DISP1: variants seen among roughly 807,000 people sequenced by gnomAD.
DISP1 encodes protein dispatched homolog 1.
DISP1 carries 30 observed loss-of-function variants against 37.3 expected under a neutral mutation model. That is an observed-to-expected ratio of 0.80 (90% CI 0.60 to 1.09). The LOEUF (loss-of-function observed/expected upper bound fraction) is 1.09. DISP1 is among the 50% of genes least tolerant of loss of function. The probability of loss-of-function intolerance (pLI) is 0.00; values close to 1 mark genes in which losing one functional copy is unlikely to be tolerated. For synonymous variants in DISP1, 634 were observed against 690.2 expected (o/e 0.92, Z 1.28); for missense variants, 1,598 against 1,879.5 (o/e 0.85, Z 2.77).
intron 3 of DISP1, among the ~76,000 whole-genome samples, chr1:222,968,874 A>G (rs1352909170): frequency 6.6e-6 from 1 of 152,134 alleles, no homozygotes; most frequent in Non-Finnish European, 1.5e-5. Flanking sequence ...CAGAGATTGC[A>G]GTGAGCTGAG....
chr1:222,878,405 G>T (rs1670090035), intron 1 of DISP1, among the ~76,000 whole-genome samples: 2 of 152,078 alleles, frequency 1.3e-5, no homozygotes, highest in African/African-American at 4.8e-5. Context: ...AGCCTAAAAT[G>T]GTAAATGAAA....
intron 1 of DISP1, among the ~76,000 whole-genome samples, chr1:222,874,704 A>C (rs998572152): frequency 6.6e-6 from 1 of 151,796 alleles, no homozygotes; most frequent in African/African-American, 2.4e-5. Flanking sequence ...ATTGGTTCGA[A>C]CTTCCTCCTT....
chr1:222,911,049 G>GT (rs1236302326), intron 1 of DISP1, among the ~76,000 whole-genome samples: 1 of 152,144 alleles, frequency 6.6e-6, no homozygotes, highest in African/African-American at 2.4e-5. Flanking sequence ...AGCAACATAT[G>GT]TATCTTTAAG....
chr1:222,900,556 AG>A (rs1453777955), intron 1 of DISP1, among the ~76,000 whole-genome samples: 1 of 152,202 alleles, frequency 6.6e-6, no homozygotes, highest in Non-Finnish European at 1.5e-5. Flanking sequence ...GATATGGAAA[AG>A]TAATGATCCT....
intron 1 of DISP1, among the ~76,000 whole-genome samples, chr1:222,848,319 C>A (rs988669285): frequency 6.6e-6 from 1 of 151,822 alleles, no homozygotes; most frequent in South Asian, 2.1e-4. Context: ...TGGTGCCAGT[C>A]GTGTAGTATA....
intron 4 of DISP1, among the ~76,000 whole-genome samples, chr1:222,984,089 T>A (rs965375226): frequency 3.3e-5 from 5 of 151,732 alleles, no homozygotes; most frequent in East Asian, 1.9e-4. Flanking sequence ...TAAAAAAAAA[T>A]ATATTTTTAA....
intron 3 of DISP1, among the ~76,000 whole-genome samples, chr1:222,978,947 G>T (rs1027442685): frequency 8.5e-5 from 13 of 152,086 alleles, no homozygotes; most frequent in Non-Finnish European, 1.2e-4. Context: ...TTTGAAGTCC[G>T]GTAGCATGAT....
At chr1:222,962,681 AG>A (rs879180845) in intron 3 of DISP1, among the ~76,000 whole-genome samples, 2 of 152,254 alleles carry the variant, frequency 1.3e-5, no homozygotes, top group Admixed American at 1.3e-4. Context: ...CAATGGGAAA[AG>A]GATCTCCTAT....
At chr1:222,915,001 A>G (rs1440489902) in intron 1 of DISP1, among the ~76,000 whole-genome samples, 2 of 152,044 alleles carry the variant, frequency 1.3e-5, no homozygotes, top group African/African-American at 4.8e-5. Context: ...AAGGAAAGGG[A>G]AAAAAAGATC....
At chr1:222,919,039 T>C (rs1000632732) in intron 1 of DISP1, among the ~76,000 whole-genome samples, 1 of 152,240 alleles carries the variant, frequency 6.6e-6, no homozygotes, top group African/African-American at 2.4e-5. Context: ...GAGGGAGCCA[T>C]GGATCCCAAC....
At chr1:222,881,260 A>T (rs1670255667) in intron 1 of DISP1, among the ~76,000 whole-genome samples, 2 of 152,100 alleles carry the variant, frequency 1.3e-5, no homozygotes, top group Admixed American at 6.5e-5. Flanking sequence ...CAATGGCGCC[A>T]TCTCGGCTCA....
intron 2 of DISP1, among the ~76,000 whole-genome samples, chr1:222,934,522 C>T (rs147735143): frequency 1.2e-4 from 19 of 152,106 alleles, no homozygotes; most frequent in African/African-American, 3.6e-4. Flanking sequence ...AGCAGGCCAA[C>T]GAGGTACCAG....
chr1:222,885,879 C>T (rs1031352185), intron 1 of DISP1, among the ~76,000 whole-genome samples: 3 of 151,750 alleles, frequency 2.0e-5, no homozygotes, highest in African/African-American at 7.3e-5. Flanking sequence ...TACACACACA[C>T]ACACACAGAC....
chr1:222,965,123 G>A lies in DISP1; in HGVS notation c.510-17957G>A, dbSNP rs572820664. 7.9e-5 allele frequency among the ~76,000 whole-genome samples: 12 copies of A among 151,990 alleles called. No individual in the cohort carries two copies. The South Asian group carries it at 1.2e-3, about 16-fold the overall frequency. On this transcript the variant is annotated intron_variant, in intron 3 of 8. Transcript: ENST00000675850. ...CTTTATGAAAACAATAGAAAATTTC[G>A]CTGCAGTATAGCCTAGTGGTTAAGA...
chr1:222,937,400 C>G (rs1304368550), intron 2 of DISP1, among the ~76,000 whole-genome samples: 1 of 151,942 alleles, frequency 6.6e-6, no homozygotes, highest in Admixed American at 6.6e-5. Context: ...CCTCTCTATA[C>G]TTCAATATAT....
At chr1:222,874,072 T>A (rs1294200565) in intron 1 of DISP1, among the ~76,000 whole-genome samples, 2 of 152,226 alleles carry the variant, frequency 1.3e-5, no homozygotes, top group Non-Finnish European at 2.9e-5. Flanking sequence ...GGTTGAAAAT[T>A]CTTTTCTTTA....
At chr1:222,906,422 A>G (rs1414583999) in intron 1 of DISP1, among the ~76,000 whole-genome samples, 10 of 152,222 alleles carry the variant, frequency 6.6e-5, no homozygotes, top group Admixed American at 6.5e-4. Context: ...TGGGTAAAAA[A>G]AACGCTGCCA....
chr1:222,956,644 C>T (rs1292346971), intron 3 of DISP1, among the ~76,000 whole-genome samples: 1 of 151,712 alleles, frequency 6.6e-6, no homozygotes, highest in Non-Finnish European at 1.5e-5. Context: ...TTTTTTTAAC[C>T]TCTTTACCCC....
At chr1:222,961,985 A>G (rs1676094972) in intron 3 of DISP1, among the ~76,000 whole-genome samples, 1 of 151,808 alleles carries the variant, frequency 6.6e-6, no homozygotes. Flanking sequence ...CAGCCTGGTG[A>G]CAGAGCAAGA....
Sources: allele counts gnomAD v4.1 joint callset (sites outside exome capture counted in the v4.1 genomes callset), GRCh38; gene constraint gnomAD v4.1.1; transcripts MANE v1.5; gene names NCBI Gene and HGNC (gene_info 2026-07-23, HGNC 2026-07-21).